Variants in URGCP observed in about 807,000 individuals in gnomAD.
URGCP encodes the protein upregulator of cell proliferation, also known as up-regulator of cell proliferation.
Under a neutral mutation model 24.6 loss-of-function variants are expected in URGCP, and 13 were observed. That is an observed-to-expected ratio of 0.53 (90% CI 0.34 to 0.84). The LOEUF is 0.84. Among genes scored for constraint, URGCP ranks in the 40% least tolerant of loss-of-function variants. The pLI is 0.01. For synonymous variants in URGCP, 444 were observed against 487.2 expected (o/e 0.91, Z 1.17); for missense variants, 899 against 1,194.3 (o/e 0.75, Z 3.64).
chr7:43,906,088 G>A (rs965995566), intron 1 of URGCP: 4 of 152,118 alleles, frequency 2.6e-5, no homozygotes, highest in African/African-American at 7.2e-5. Context: ...ACGTCTCAAC[G>A]ACGCGGCAAA....
At chr7:43,886,191 T>C (rs1245483081) in intron 3 of URGCP, among the ~76,000 whole-genome samples, 2 of 152,238 alleles carry the variant, frequency 1.3e-5, no homozygotes, top group African/African-American at 4.8e-5. Flanking sequence ...TCTCACTATG[T>C]TGCGCAGGTT....
At chr7:43,885,460 A>G (rs1329448603) in intron 3 of URGCP, among the ~76,000 whole-genome samples, 1 of 152,128 alleles carries the variant, frequency 6.6e-6, no homozygotes, top group Non-Finnish European at 1.5e-5. Flanking sequence ...CCTTGCTTTA[A>G]GTCTTTAAAA....
Position 43,919,033 on chromosome 7 carries a change from A to G in URGCP, c.-116+7099T>C, listed in dbSNP as rs2095919002. On this transcript the variant is annotated intron_variant, in intron 1 of 5. Transcript: ENST00000426198. ...GCCAGCAGATTCTCCCAGAGGGAGA[A>G]GATCCATGAGGACATTTTTAACATC... 4.5e-6 allele frequency: 5 copies of G among 1,106,636 alleles called. No homozygotes were observed. In the Admixed American group the frequency reaches 8.4e-5, roughly 19 times the overall value. The allele number at this position is 1,106,636 out of a possible 1,614,324, so 68.6% of individuals were successfully genotyped here.
chr7:43,899,284 A>G (rs1039319872), intron 1 of URGCP, among the ~76,000 whole-genome samples: 1 of 139,574 alleles, frequency 7.2e-6, no homozygotes, highest in African/African-American at 2.6e-5. Flanking sequence ...GAAAGGCTTA[A>G]TTTTTTTTTT....
At chr7:43,891,183 A>C (rs1389369631) in intron 1 of URGCP, among the ~76,000 whole-genome samples, 2 of 152,174 alleles carry the variant, frequency 1.3e-5, no homozygotes, top group East Asian at 3.9e-4. Flanking sequence ...AGATAGGGCA[A>C]ACCTCGTGGG....
intron 1 of URGCP, among the ~76,000 whole-genome samples, chr7:43,905,314 G>A (rs1050361759): frequency 6.6e-6 from 1 of 151,830 alleles, no homozygotes; most frequent in Non-Finnish European, 1.5e-5. Context: ...GAATGCTGCA[G>A]GACCTTGAAC....
intron 3 of URGCP, among the ~76,000 whole-genome samples, chr7:43,886,932 A>G (rs956103869): frequency 6.6e-5 from 10 of 152,234 alleles, no homozygotes; most frequent in Non-Finnish European, 1.5e-4. Context: ...ACCAGCCTGT[A>G]TGGACCATAA....
intron 5 of URGCP, among the ~76,000 whole-genome samples, chr7:43,880,288 T>TA (rs1428015486): frequency 1.3e-5 from 2 of 152,222 alleles, no homozygotes; most frequent in African/African-American, 2.4e-5. Flanking sequence ...AGTGAGCACT[T>TA]ACTTGCGCAG....
chr7:43,901,439 C>T (rs1278863545), intron 1 of URGCP, among the ~76,000 whole-genome samples: 1 of 152,214 alleles, frequency 6.6e-6, no homozygotes. Flanking sequence ...CCCGTACGTC[C>T]AGCGTAGGGA....
At chr7:43,879,301 T>A in intron 5 of URGCP, 41 bp from the exon 6 acceptor site, 1 of 1,553,644 alleles carries the variant, frequency 6.4e-7, no homozygotes, top group South Asian at 1.2e-5. Flanking sequence ...ACCCTGTGTT[T>A]CTGAGCTAGG....
chr7:43,902,257 C>A (rs532827365), intron 1 of URGCP, among the ~76,000 whole-genome samples: 29 of 152,140 alleles, frequency 1.9e-4, no homozygotes, highest in Non-Finnish European at 3.7e-4. Context: ...AGAGGAACAA[C>A]TGGCCTTGGG....
intron 1 of URGCP, among the ~76,000 whole-genome samples, chr7:43,902,825 G>A (rs1356611251): frequency 6.6e-6 from 1 of 152,116 alleles, no homozygotes; most frequent in African/African-American, 2.4e-5. Context: ...CAACAGGCAG[G>A]AAGAACAAAA....
At chr7:43,896,374 T>A (rs1177370849) in intron 1 of URGCP, among the ~76,000 whole-genome samples, 1 of 150,476 alleles carries the variant, frequency 6.6e-6, no homozygotes, top group African/African-American at 2.5e-5. Context: ...GAGAATTGCT[T>A]GACTCGGGAG....
intron 1 of URGCP, among the ~76,000 whole-genome samples, chr7:43,921,593 C>T (rs1397315707): frequency 6.6e-6 from 1 of 152,244 alleles, no homozygotes. Flanking sequence ...AACTGTTCAA[C>T]TTGCCTACTT....
intron 1 of URGCP, 41 bp downstream of exon 1, chr7:43,906,521 C>G: frequency 8.3e-7 from 1 of 1,200,302 alleles, no homozygotes. Context: ...CCGTTCCTGC[C>G]GGCAGCCGCG....
intron 5 of URGCP, among the ~76,000 whole-genome samples, chr7:43,880,912 T>G (rs2095852772): frequency 6.6e-6 from 1 of 152,188 alleles, no homozygotes; most frequent in Admixed American, 6.5e-5. Context: ...AAGTGATGGA[T>G]TCAAGACCAC....
intron 1 of URGCP, among the ~76,000 whole-genome samples, chr7:43,889,945 C>T (rs1230133865): frequency 2.0e-5 from 3 of 151,376 alleles, no homozygotes; most frequent in Admixed American, 2.0e-4. Context: ...TGCTTTGTCA[C>T]CCAGGTTGGA....
intron 1 of URGCP, among the ~76,000 whole-genome samples, chr7:43,923,975 T>C (rs541846757): frequency 6.6e-6 from 1 of 152,262 alleles, no homozygotes; most frequent in East Asian, 1.9e-4. Flanking sequence ...GTTCAAACAA[T>C]TATTGAGCCT....
Position 43,876,591 on chromosome 7 carries a change from A to G in URGCP, c.*76T>C, listed in dbSNP as rs571971732. 2.0e-6 allele frequency: 3 copies of G among 1,489,796 alleles called. No individual in the cohort carries two copies. The highest frequency in any genetic ancestry group is 2.7e-6 in the Non-Finnish European group (3 of 1,098,562). The allele number at this position is 1,489,796 out of a possible 1,614,324, so 92.3% of individuals were successfully genotyped here. Reference sequence around the variant, plus strand: ...CAGCCATTCTCAGGCACCAGAGCACAGCCCCACACGGGTGCCCCATCAGAC... The same window carrying G: ...CAGCCATTCTCAGGCACCAGAGCACGGCCCCACACGGGTGCCCCATCAGAC... On this transcript the variant is annotated 3_prime_UTR_variant, in exon 6 of 6. Coordinates refer to ENST00000453200, the MANE Select transcript of URGCP (RefSeq NM_001077663.3).
Sources: gnomAD v4.1 joint callset for allele counts (sites outside exome capture counted in the v4.1 genomes callset) on GRCh38, gnomAD v4.1.1 for gene constraint, MANE v1.5 for transcripts, NCBI Gene and HGNC (gene_info 2026-07-23, HGNC 2026-07-21) for gene names.